Variants in KDM1B observed in about 807,000 individuals in gnomAD.
KDM1B encodes lysine-specific histone demethylase 2.
In KDM1B, 63 loss-of-function variants were observed where a neutral mutation model predicts 107.4. The observed-to-expected ratio is 0.59, with a 90% confidence interval of 0.48 to 0.72. The LOEUF (loss-of-function observed/expected upper bound fraction) is 0.72, where lower values mean the gene tolerates loss of function less well. KDM1B is among the 30% of genes least tolerant of loss of function. The pLI, the probability that KDM1B is intolerant of heterozygous loss-of-function variation, is 0.00. For synonymous variants in KDM1B, 363 were observed against 363.9 expected, an observed-to-expected ratio of 1.00 and a Z score of 0.03; for missense variants, 749 against 1,020.8, an observed-to-expected ratio of 0.73 and a Z score of 3.63.
At chr6:18,187,639 A>G (rs1272305735) in intron 8 of KDM1B, among the ~76,000 whole-genome samples, 153 bp from the exon 9 acceptor site, 1 of 152,144 alleles carries the variant, frequency 6.6e-6, no homozygotes, top group African/African-American at 2.4e-5. Flanking sequence ...CTGTGTGTGT[A>G]GAGCTCTGGA....
In KDM1B at chr6:18,197,325, T is replaced by C. The variant is rs536231734; in HGVS notation, c.1146+92T>C. 1,481 of 1,207,102 alleles carry C rather than the reference T, an allele frequency of 1.2e-3. 3 individuals are homozygous for C. The highest frequency in any genetic ancestry group is 2.3e-3 in the South Asian group (156 of 67,208). 74.8% of individuals were successfully genotyped at this position (1,207,102 alleles called of 1,614,324 possible). A position where few individuals can be genotyped will look rare whatever the true frequency, so the allele number is the denominator to read the frequency against. ...AATAAATATAGTAAAAGCCACATTA[T>C]CACCATAAAACTTAACAGAAGCAAG... On this transcript the variant is annotated intron_variant, in intron 11 of 21. Coordinates refer to ENST00000650836, the MANE Select transcript of KDM1B (RefSeq NM_001364614.2). This position sits in a 1 kb window ranked among gnomAD's most constrained non-coding sequence, Gnocchi z 4.5.
In KDM1B at chr6:18,197,925, CT is replaced by C. The variant is rs1039217550; in HGVS notation, c.1221+282del. On this transcript the variant is annotated intron_variant, in intron 12 of 21. Coordinates refer to ENST00000650836, the MANE Select transcript of KDM1B (RefSeq NM_001364614.2). This position sits in a 1 kb window ranked among gnomAD's most constrained non-coding sequence, Gnocchi z 4.5. Reference sequence around the variant, plus strand: ...CTAACTTGGCATTAAAGTAGAAATTCTTTTTTTTTTTTTTTTTTGAGACAGA... The same window carrying C: ...CTAACTTGGCATTAAAGTAGAAATTCTTTTTTTTTTTTTTTTTGAGACAGA... 5.4e-3 allele frequency among the ~76,000 whole-genome samples: 706 copies of C among 129,984 alleles called. No individual in the cohort carries two copies. The highest frequency in any genetic ancestry group is 7.3e-3 in the African/African-American group (251 of 34,258). 85.3% of individuals were successfully genotyped at this position (129,984 alleles called of 152,430 possible).
At chr6:18,198,652 A>AC (rs1554147594) in intron 12 of KDM1B, among the ~76,000 whole-genome samples, 7,395 of 143,098 alleles carry the variant, frequency 0.052, 638 homozygotes, top group African/African-American at 0.17. Flanking sequence ...AAAAAAAAAA[A>AC]AAAAACAAAA....
chr6:18,193,409 T>G (rs1253840562), intron 10 of KDM1B, among the ~76,000 whole-genome samples: 5 of 147,984 alleles, frequency 3.4e-5, no homozygotes, highest in African/African-American at 1.2e-4. Context: ...CAGTCTCAGG[T>G]GATTCTCCCA....
intron 7 of KDM1B, 35 bp downstream of exon 7, chr6:18,171,514 T>A (rs750379794): frequency 1.9e-6 from 2 of 1,052,716 alleles, no homozygotes; most frequent in South Asian, 2.5e-5. Flanking sequence ...TTAATTGATA[T>A]ATTAATGTAG....
chr6:18,166,725 G>A (rs1561909018), intron 6 of KDM1B, among the ~76,000 whole-genome samples: 2 of 151,788 alleles, frequency 1.3e-5, no homozygotes, highest in Non-Finnish European at 2.9e-5. Context: ...ATGGTGGCAG[G>A]TGTCTGTAGT....
chr6:18,209,769 G>A lies in KDM1B; in HGVS notation c.1866+1563G>A, dbSNP rs544636541. The stretch of plus-strand genomic sequence containing the variant: ...ATTACAGGCATGCACCACCATGCCC[G>A]GCTAGTCATGTTTTTAAAGCTTCTC... On this transcript the variant is annotated intron_variant, in intron 17 of 21. Coordinates refer to ENST00000650836, the MANE Select transcript of KDM1B (RefSeq NM_001364614.2). This position sits in a 1 kb window ranked among gnomAD's most constrained non-coding sequence, Gnocchi z 4.3. Among the ~76,000 whole-genome samples the A allele has an allele frequency of 9.9e-5, 15 of 152,244 alleles. No homozygotes were observed. The highest frequency in any genetic ancestry group is 2.1e-4 in the South Asian group (1 of 4,828).
intron 21 of KDM1B, among the ~76,000 whole-genome samples, chr6:18,219,445 T>G (rs1263290386): frequency 6.6e-6 from 1 of 152,210 alleles, no homozygotes; most frequent in Non-Finnish European, 1.5e-5. Flanking sequence ...TCTCTTATGC[T>G]ACTTTTGGGG....
At chr6:18,207,012 T>C (rs1454227095) in intron 15 of KDM1B, among the ~76,000 whole-genome samples, 1 of 152,200 alleles carries the variant, frequency 6.6e-6, no homozygotes, top group East Asian at 1.9e-4. Flanking sequence ...GGAGTCATGC[T>C]ATTTTCCAAA....
At chr6:18,194,375 T>C (rs1324445184) in intron 10 of KDM1B, among the ~76,000 whole-genome samples, 3 of 152,030 alleles carry the variant, frequency 2.0e-5, no homozygotes, top group Non-Finnish European at 2.9e-5. Context: ...TTTTCTGTGG[T>C]CAGTAGGATC....
chr6:18,193,463 T>C (rs1787431311), intron 10 of KDM1B, among the ~76,000 whole-genome samples: 2 of 149,260 alleles, frequency 1.3e-5, no homozygotes, highest in African/African-American at 5.0e-5. Context: ...CGTGCCACCA[T>C]GCCCAGCTAA....
chr6:18,204,747 T>A lies in KDM1B; in HGVS notation c.1532-790T>A, dbSNP rs886410857. 2.0e-5 allele frequency among the ~76,000 whole-genome samples: 3 copies of A among 152,034 alleles called. No individual in the cohort carries two copies. Among genetic ancestry groups the A allele is most frequent in the Non-Finnish European group, 4.4e-5 (3 of 68,014 alleles). Reference sequence around the variant, plus strand: ...GCTGGAGTTGATGACAGGGAGAAATTCTGGGGGCTTGCCACGGCCCGGTGA... The same window carrying A: ...GCTGGAGTTGATGACAGGGAGAAATACTGGGGGCTTGCCACGGCCCGGTGA... On this transcript the variant is annotated intron_variant, in intron 14 of 21. Coordinates refer to ENST00000650836, the MANE Select transcript of KDM1B (RefSeq NM_001364614.2). This position sits in a 1 kb window ranked among gnomAD's most constrained non-coding sequence, Gnocchi z 4.9.
At chr6:18,156,851 A>G (rs1046209675) in intron 2 of KDM1B, among the ~76,000 whole-genome samples, 2 of 151,980 alleles carry the variant, frequency 1.3e-5, no homozygotes, top group Non-Finnish European at 2.9e-5. Context: ...CAGGAGGTGG[A>G]TGTTGTAGTG....
rs1232666838 is a variant in KDM1B, at chr6:18,186,960, A to ATG, written c.574-820_574-819dup. Reference sequence around the variant, plus strand: ...AGCCAAACCATATCAGTATGTATATATGTGTGTGTGTGTACACACACACAC... The same window carrying ATG: ...AGCCAAACCATATCAGTATGTATATATGTGTGTGTGTGTGTACACACACACAC... On this transcript the variant is annotated intron_variant, in intron 8 of 21. Transcript: ENST00000650836. The surrounding 1 kb of genome is among the most constrained non-coding windows in gnomAD (Gnocchi z 5.6). Among the ~76,000 whole-genome samples, 1 of 118,302 alleles carries ATG rather than the reference A, an allele frequency of 8.5e-6. No homozygotes were observed. The highest frequency in any genetic ancestry group is 2.3e-4 in the East Asian group (1 of 4,404). 77.6% of individuals were successfully genotyped at this position (118,302 alleles called of 152,430 possible).
rs1784836661 is a variant in KDM1B, at chr6:18,159,489, A to C, written c.-13-394A>C. Among the ~76,000 whole-genome samples, 1 of 152,238 alleles carries C rather than the reference A, an allele frequency of 6.6e-6. No homozygotes were observed. The highest frequency in any genetic ancestry group is 2.1e-4 in the South Asian group (1 of 4,836). ...GTAATGTTTATTGAGTACTTACGAT[A>C]TGCCAGTTTTGGTGCTTTAAATAGG... On this transcript the variant is annotated intron_variant, in intron 2 of 21. Coordinates refer to ENST00000650836, the MANE Select transcript of KDM1B (RefSeq NM_001364614.2). The surrounding 1 kb of genome is among the most constrained non-coding windows in gnomAD (Gnocchi z 4.5).
intron 7 of KDM1B, among the ~76,000 whole-genome samples, chr6:18,174,999 A>G (rs1582109645): frequency 6.6e-6 from 1 of 152,204 alleles, no homozygotes; most frequent in Non-Finnish European, 1.5e-5. Context: ...TCCTCTGGAT[A>G]CCCAGTAGTG....
intron 12 of KDM1B, among the ~76,000 whole-genome samples, chr6:18,199,008 G>GAAAAAAAAAAAAAA (rs70974711): frequency 6.7e-5 from 5 of 74,692 alleles, no homozygotes; most frequent in South Asian, 4.8e-4. Context: ...GTCTCTACCA[G>GAAAAAAAAAAAAAA]AAAAAAAAAA....
chr6:18,208,627 A>ATTTTT (rs1167715268), intron 17 of KDM1B, among the ~76,000 whole-genome samples: 1 of 25,736 alleles, frequency 3.9e-5, no homozygotes, highest in Non-Finnish European at 6.8e-5. Flanking sequence ...ATATATATAT[A>ATTTTT]TTTTTTTTTT....
At chr6:18,181,741 G>C (rs1786492684) in intron 7 of KDM1B, among the ~76,000 whole-genome samples, 1 of 152,046 alleles carries the variant, frequency 6.6e-6, no homozygotes, top group African/African-American at 2.4e-5. Flanking sequence ...GTGAGACCCT[G>C]TTTCAAGAAG....
Sources: gnomAD v4.1 joint callset for allele counts (sites outside exome capture counted in the v4.1 genomes callset) on GRCh38, gnomAD v4.1.1 for gene constraint, Gnocchi (gnomAD v3.1) non-coding constraint, MANE v1.5 for transcripts, NCBI Gene and HGNC (gene_info 2026-07-23, HGNC 2026-07-21) for gene names.